Variants in VPS33B observed in about 807,000 individuals in gnomAD.
VPS33B encodes the protein vacuolar protein sorting-associated protein 33B.
Under a neutral mutation model 95.3 loss-of-function variants are expected in VPS33B, and 80 were observed. The ratio of observed to expected loss-of-function variants is 0.84; its 90% confidence interval spans 0.70 to 1.01. The LOEUF (loss-of-function observed/expected upper bound fraction) is 1.01, where lower values mean the gene tolerates loss of function less well. VPS33B is among the 50% of genes least tolerant of loss of function. The pLI is 0.00. For synonymous variants in VPS33B, 280 were observed against 280.4 expected (o/e 1.00, Z 0.01); for missense variants, 715 against 773.4 (o/e 0.92, Z 0.90).
chr15:91,008,110 AAAG>A, intron 6 of VPS33B, 146 bp from the exon 7 acceptor site: 1 of 757,968 alleles, frequency 1.3e-6, no homozygotes. Flanking sequence ...ATGGAGGCTC[AAAG>A]AAGAATAAGA....
At position 91,015,657 on chromosome 15, in the gene VPS33B, C is replaced by CA. The variant is rs985084736; in HGVS notation, c.240-1225dup. 6.6e-6 allele frequency among the ~76,000 whole-genome samples: 1 copy of CA among 151,756 alleles called. No homozygotes were observed. Among genetic ancestry groups the CA allele is most frequent in the Non-Finnish European group, 1.5e-5 (1 of 67,924 alleles). ...TGGGTGACAGAGTTAGACTCCTACT[C>CA]AAAAAAATAAAATAAAATAAAACTA... On this transcript the variant is annotated intron_variant, in intron 3 of 22. Transcript: ENST00000333371. The surrounding 1 kb of genome is among the most constrained non-coding windows in gnomAD (Gnocchi z 4.7).
chr15:91,003,139 T>C lies in VPS33B; in HGVS notation c.1226-8A>G, dbSNP rs760369403. ...AATCCTTGGGGATCAAACCTAAGAG[T>C]GAAGAAAATAAGACAGGTGCATGAG... On this transcript the variant is annotated splice_region_variant and splice_polypyrimidine_tract_variant and intron_variant, in intron 16 of 22. Coordinates refer to ENST00000333371, the MANE Select transcript of VPS33B (RefSeq NM_018668.5). 1 of 1,613,690 alleles carries C rather than the reference T, an allele frequency of 6.2e-7. No individual in the cohort carries two copies. Among genetic ancestry groups the C allele is most frequent in the East Asian group, 2.2e-5 (1 of 44,856 alleles).
rs1230022493 is a variant in VPS33B at position 91,000,592 on chromosome 15, C to T, written c.1480-1G>A. The T allele has an allele frequency of 2.5e-6, 4 of 1,611,746 alleles. No homozygotes were observed. The highest frequency in any genetic ancestry group is 3.4e-6 in the Non-Finnish European group (4 of 1,178,682). On this transcript the variant is annotated splice_acceptor_variant, in intron 19 of 22. Transcript: ENST00000333371. LOFTEE classifies it high-confidence loss of function. This position sits in a 1 kb window ranked among gnomAD's most constrained non-coding sequence, Gnocchi z 4.9. ...CATACTCGCCGTCCACACGTGGGAT[C>T]TGTAAGACAAAGGGACTTCATTAGG...
chr15:91,021,629 C>T (rs933478100), intron 1 of VPS33B, among the ~76,000 whole-genome samples: 1 of 152,188 alleles, frequency 6.6e-6, no homozygotes, highest in African/African-American at 2.4e-5. Context: ...CCCTTACATG[C>T]CTTGTCTTTC....
intron 19 of VPS33B, 80 bp downstream of exon 19, chr15:91,001,309 C>CAA (rs35353020): frequency 0.011 from 8,453 of 757,802 alleles, 14 homozygotes; most frequent in East Asian, 0.026. Context: ...GATTCCATCT[C>CAA]AAAAAAAAAA....
chr15:91,008,162 G>A lies in VPS33B; in HGVS notation c.404-198C>T, dbSNP rs1038912230. Among the ~76,000 whole-genome samples the A allele has an allele frequency of 3.3e-5, 5 of 152,222 alleles. No individual in the cohort carries two copies. In the South Asian group the frequency reaches 1.0e-3, roughly 31 times the overall value. On this transcript the variant is annotated intron_variant, in intron 6 of 22. Coordinates refer to ENST00000333371, the MANE Select transcript of VPS33B (RefSeq NM_018668.5). ...CTTAAGGAGCTCACAGTCTGATAAG[G>A]AAAGGAGATGTGTCCACAGCAGCCT...
intron 2 of VPS33B, among the ~76,000 whole-genome samples, chr15:91,017,491 C>T (rs1264904115): frequency 6.7e-6 from 1 of 148,528 alleles, no homozygotes; most frequent in Non-Finnish European, 1.5e-5. Flanking sequence ...GGTGTGGTGG[C>T]ACATGCCTGT....
chr15:91,000,781 A>G lies in VPS33B; in HGVS notation c.1480-190T>C. 1.8e-6 allele frequency: 1 copy of G among 569,084 alleles called. No individual in the cohort carries two copies. Among genetic ancestry groups the G allele is most frequent in the South Asian group, 1.8e-5 (1 of 56,076 alleles). 35.3% of individuals were successfully genotyped at this position (569,084 alleles called of 1,614,324 possible). On this transcript the variant is annotated intron_variant, in intron 19 of 22. Coordinates refer to ENST00000333371, the MANE Select transcript of VPS33B (RefSeq NM_018668.5). The surrounding 1 kb of genome is among the most constrained non-coding windows in gnomAD (Gnocchi z 4.9). ...GTTCAGTAACTGCCAGTTCTCTGGA[A>G]TGAGTTCCCATGCGCCATTATTGAA...
In VPS33B at chr15:91,009,149, C is replaced by T. The variant is rs1373535430; in HGVS notation, c.403+652G>A. On this transcript the variant is annotated intron_variant, in intron 6 of 22. Transcript: ENST00000333371. The surrounding 1 kb of genome is among the most constrained non-coding windows in gnomAD (Gnocchi z 4.1). Reference sequence around the variant, plus strand: ...GGAGGCCCAGTTTTTCCTGTGGGAGCCTTGGAAGGTGAGAAAAGAGTGGCT... The same window carrying T: ...GGAGGCCCAGTTTTTCCTGTGGGAGTCTTGGAAGGTGAGAAAAGAGTGGCT... Among the ~76,000 whole-genome samples the T allele has an allele frequency of 6.6e-6, 1 of 152,076 alleles. No homozygotes were observed. Among genetic ancestry groups the T allele is most frequent in the Non-Finnish European group, 1.5e-5 (1 of 68,012 alleles).
In VPS33B at chr15:91,016,850, G is replaced by T. The variant is rs2040942113; in HGVS notation, c.239+113C>A. 2.9e-6 allele frequency: 3 copies of T among 1,026,820 alleles called. No homozygotes were observed. In the Admixed American group the frequency reaches 5.2e-5, roughly 18 times the overall value. The allele number at this position is 1,026,820 out of a possible 1,614,324, so 63.6% of individuals were successfully genotyped here. On this transcript the variant is annotated intron_variant, in intron 3 of 22. Transcript: ENST00000333371. The stretch of plus-strand genomic sequence containing the variant: ...AGAAGATTAACCTAGCCATGAAATT[G>T]TAAAGTTCAGGGAGGTGAACCATAT...
At chr15:91,017,370 ATATATATATATAT>A (rs1567229584) in intron 2 of VPS33B, among the ~76,000 whole-genome samples, 1,657 of 26,942 alleles carry the variant, frequency 0.062, 261 homozygotes, top group Non-Finnish European at 0.11. Flanking sequence ...AAAATTAAAT[ATATATATATATAT>A]ATATATATAT....
chr15:91,012,575 T>C (rs987255087), intron 5 of VPS33B, among the ~76,000 whole-genome samples: 4 of 152,224 alleles, frequency 2.6e-5, no homozygotes, highest in Non-Finnish European at 4.4e-5. Context: ...CTCTAGAATT[T>C]TCTTAGAAAG....
chr15:91,013,847 G>A lies in VPS33B; in HGVS notation c.314C>T (p.Ala105Val). The A allele has an allele frequency of 6.2e-7, 1 of 1,614,154 alleles. No individual in the cohort carries two copies. Among genetic ancestry groups the A allele is most frequent in the Non-Finnish European group, 8.5e-7 (1 of 1,180,020 alleles). Residue 105 changes from alanine (A) to valine (V), a missense_variant, in exon 5 of 23, where the codon GCT (alanine) becomes GTT (valine). Transcript: ENST00000333371. This position sits in a 1 kb window ranked among gnomAD's most constrained non-coding sequence, Gnocchi z 4.5. ...CACTTTGTATTTGCGAGTTCGGCCA[G>A]CCAATTTGTCAGCATTGACAAGACC... The part of the protein sequence containing the change: ...IASLVNADKL[A>V]GRTRKYKVIF...
chr15:91,007,059 A>G lies in VPS33B; in HGVS notation c.604-13T>C. 5.6e-6 allele frequency: 9 copies of G among 1,608,246 alleles called. No homozygotes were observed. Among genetic ancestry groups the G allele is most frequent in the Non-Finnish European group, 7.6e-6 (9 of 1,179,976 alleles). The stretch of plus-strand genomic sequence containing the variant: ...ATTCATATGCCATCTGCCAGGGCCC[A>G]AGACATTCTCAGTCTTGTGTCCAGG... On this transcript the variant is annotated splice_polypyrimidine_tract_variant and intron_variant, in intron 8 of 22. Transcript: ENST00000333371. This position sits in a 1 kb window ranked among gnomAD's most constrained non-coding sequence, Gnocchi z 5.3.
At chr15:91,012,564 T>C (rs960459930) in intron 5 of VPS33B, among the ~76,000 whole-genome samples, 6 of 152,206 alleles carry the variant, frequency 3.9e-5, no homozygotes, top group Admixed American at 3.9e-4. Context: ...GCCTCTATTT[T>C]CTCTAGAATT....
chr15:90,999,538 C>G lies in VPS33B; in HGVS notation c.1774+139G>C, dbSNP rs935557000. 22 of 897,254 alleles carry G rather than the reference C, an allele frequency of 2.5e-5. No individual in the cohort carries two copies. The highest frequency in any genetic ancestry group is 3.7e-5 in the Non-Finnish European group (20 of 542,678). 55.6% of individuals were successfully genotyped at this position (897,254 alleles called of 1,614,324 possible). A position where few individuals can be genotyped will look rare whatever the true frequency, so the allele number is the denominator to read the frequency against. On this transcript the variant is annotated intron_variant, in intron 22 of 22. Coordinates refer to ENST00000333371, the MANE Select transcript of VPS33B (RefSeq NM_018668.5). The surrounding 1 kb of genome is among the most constrained non-coding windows in gnomAD (Gnocchi z 5.1). The stretch of plus-strand genomic sequence containing the variant: ...TTCACCATGTTGGTCAGGCTAGGCT[C>G]TAACTCCTGACCTCAGGTGATCTGC...
chr15:91,000,904 C>T lies in VPS33B; in HGVS notation c.1480-313G>A, dbSNP rs1471926312. The T allele has an allele frequency of 2.4e-6, 1 of 410,584 alleles. No individual in the cohort carries two copies. Among genetic ancestry groups the T allele is most frequent in the South Asian group, 2.2e-5 (1 of 44,734 alleles). The allele number at this position is 410,584 out of a possible 1,614,324, so 25.4% of individuals were successfully genotyped here. A position where few individuals can be genotyped will look rare whatever the true frequency, so the allele number is the denominator to read the frequency against. On this transcript the variant is annotated intron_variant, in intron 19 of 22. Transcript: ENST00000333371. The surrounding 1 kb of genome is among the most constrained non-coding windows in gnomAD (Gnocchi z 4.9). ...AAGCAGCACTTAGAATATTCTCTGG[C>T]ATTGGCAGGTGCTTGTTACATGTTG...
chr15:91,014,371 A>T lies in VPS33B; in HGVS notation c.289+13T>A. On this transcript the variant is annotated intron_variant, in intron 4 of 22. Transcript: ENST00000333371. ...CTTTCCCACAGTTACACATAGTACC[A>T]TGGCACACTCACTGGCAATGTATCG... is the stretch of plus-strand genomic sequence containing the variant. The T allele has an allele frequency of 1.2e-6, 2 of 1,614,134 alleles. No homozygotes were observed. Among genetic ancestry groups the T allele is most frequent in the East Asian group, 2.2e-5 (1 of 44,888 alleles).
At position 91,004,957 on chromosome 15, in the gene VPS33B, G is replaced by A. The variant is rs369283658; in HGVS notation, c.1171-26C>T. The A allele has an allele frequency of 8.7e-6, 14 of 1,614,086 alleles. 1 individual carries two copies. In the African/African-American group the frequency reaches 1.9e-4, roughly 22 times the overall value. On this transcript the variant is annotated intron_variant, in intron 15 of 22. Coordinates refer to ENST00000333371, the MANE Select transcript of VPS33B (RefSeq NM_018668.5). ...CTGCATAGGAAGAAAGAATCAAGGA[G>A]AATTGAAGCTTCACAACACGTGTTC...
Sources: gnomAD v4.1 joint callset for allele counts (sites outside exome capture counted in the v4.1 genomes callset) on GRCh38, gnomAD v4.1.1 for gene constraint, Gnocchi (gnomAD v3.1) non-coding constraint, MANE v1.5 for transcripts, NCBI Gene and HGNC (gene_info 2026-07-23, HGNC 2026-07-21) for gene names.